Variants in HECTD4 observed in about 807,000 individuals in gnomAD.
HECTD4 encodes the protein HECT domain E3 ubiquitin protein ligase 4, also known as probable E3 ubiquitin-protein ligase HECTD4.
Under a neutral mutation model 471.5 loss-of-function variants are expected in HECTD4, and 114 were observed. That is an observed-to-expected ratio of 0.24 (90% confidence interval 0.21 to 0.28). The LOEUF (loss-of-function observed/expected upper bound fraction) is 0.28, where lower values mean the gene tolerates loss of function less well. HECTD4 is among the 10% of genes least tolerant of loss of function. HECTD4 has a pLI of 1.00. For synonymous variants in HECTD4, 2,012 were observed against 2,256.0 expected (o/e 0.89, Z 3.07); for missense variants, 3,866 against 5,651.5 (o/e 0.68, Z 10.13).
chr12:112,246,141 AAAAATAAAATAAAAT>A (rs148990896), intron 29 of HECTD4, among the ~76,000 whole-genome samples: 3 of 149,010 alleles, frequency 2.0e-5, no homozygotes, highest in South Asian at 2.1e-4. Flanking sequence ...CAAAAAAATA[AAAAATAAAATAAAAT>A]AAAATAAAAT....
In HECTD4 at chr12:112,171,352, G is replaced by A. The variant is rs747602000; in HGVS notation, c.11786-89C>T. On this transcript the variant is annotated intron_variant, in intron 67 of 75. Transcript: ENST00000682272. The stretch of plus-strand genomic sequence containing the variant: ...GCAACACAGGCAACCCTATCACTGC[G>A]AACAGGATTGGTGGATTTTTTACCT... 24 of 1,525,642 alleles carry A rather than the reference G, an allele frequency of 1.6e-5. 1 individual carries two copies. Among genetic ancestry groups the A allele is most frequent in the South Asian group, 8.5e-5 (7 of 82,698 alleles). The allele number at this position is 1,525,642 out of a possible 1,614,324, so 94.5% of individuals were successfully genotyped here.
intron 24 of HECTD4, 114 bp downstream of exon 24, chr12:112,250,857 G>A (rs1593976613): frequency 4.1e-6 from 4 of 970,358 alleles, no homozygotes; most frequent in Non-Finnish European, 4.5e-6. Flanking sequence ...TGACACCCAT[G>A]AGATTGCCAG....
intron 1 of HECTD4, among the ~76,000 whole-genome samples, chr12:112,326,454 C>T (rs185398424): frequency 6.6e-6 from 1 of 152,290 alleles, no homozygotes; most frequent in East Asian, 1.9e-4. Flanking sequence ...GATTGCACCA[C>T]TGCATTCCAA....
chr12:112,212,403 G>A (rs149319235), intron 49 of HECTD4, 84 bp downstream of exon 49: 21 of 1,134,678 alleles, frequency 1.9e-5, no homozygotes, highest in African/African-American at 4.6e-5. Context: ...ATGAGGGCCC[G>A]TTTGCTCCCT....
chr12:112,269,935 C>A, intron 12 of HECTD4, 86 bp from the exon 13 acceptor site: 1 of 1,169,354 alleles, frequency 8.6e-7, no homozygotes, highest in South Asian at 1.4e-5. Flanking sequence ...TGGTAGATAT[C>A]CTATGAACAA....
rs1394480912 is a variant in HECTD4 at position 112,185,457 on chromosome 12, A to G, written c.9509T>C (p.Val3170Ala). ...FLWTTDMAAC[V>A]KELVFHLLAE... Reference sequence around the variant, plus strand: ...CAGGAGATGGAAAACAAGCTCCTTCACGCAGGCTGCCATGTCCGTGGTCCA... The same window carrying G: ...CAGGAGATGGAAAACAAGCTCCTTCGCGCAGGCTGCCATGTCCGTGGTCCA... The change falls in exon 61 of 76, where the codon GTG (valine) becomes GCG (alanine). Residue 3170 changes from valine to alanine, a missense_variant. Around this residue, in one of 16 missense-constraint regions of HECTD4, gnomAD observed 364 missense variants for 413.2 expected, o/e 0.88. Transcript: ENST00000682272. 1 of 1,569,552 alleles carries G rather than the reference A, an allele frequency of 6.4e-7. No individual in the cohort carries two copies. Among genetic ancestry groups the G allele is most frequent in the Admixed American group, 1.9e-5 (1 of 52,654 alleles).
At chr12:112,339,652 A>G (rs952591484) in intron 1 of HECTD4, among the ~76,000 whole-genome samples, 27 of 152,186 alleles carry the variant, frequency 1.8e-4, no homozygotes, top group African/African-American at 6.3e-4. Context: ...ATACACAAAC[A>G]TGCACATACA....
intron 1 of HECTD4, among the ~76,000 whole-genome samples, chr12:112,362,706 A>AT (rs552642665): frequency 1.5e-3 from 213 of 144,672 alleles, no homozygotes; most frequent in Middle Eastern, 3.5e-3. Flanking sequence ...TAATTCTAAA[A>AT]TTTTTTTTTT....
intron 52 of HECTD4, 40 bp from the exon 53 acceptor site, chr12:112,204,663 A>G: frequency 6.5e-7 from 1 of 1,533,466 alleles, no homozygotes; most frequent in South Asian, 1.2e-5. Context: ...CCCAAAGAGT[A>G]CACACAGATC....
At chr12:112,182,462 A>G (rs1180593724) in intron 62 of HECTD4, among the ~76,000 whole-genome samples, 1 of 152,142 alleles carries the variant, frequency 6.6e-6, no homozygotes, top group African/African-American at 2.4e-5. Context: ...AAGGGCTGGA[A>G]AATGGGACTT....
At chr12:112,168,337 T>C (rs534768766) in intron 70 of HECTD4, among the ~76,000 whole-genome samples, 1 of 152,316 alleles carries the variant, frequency 6.6e-6, no homozygotes, top group African/African-American at 2.4e-5. Flanking sequence ...CCTGTTTCAC[T>C]CAGCACTGCC....
chr12:112,378,000 T>C (rs2036816100), intron 1 of HECTD4, among the ~76,000 whole-genome samples: 2 of 152,332 alleles, frequency 1.3e-5, no homozygotes, highest in African/African-American at 4.8e-5. Context: ...ATTCTTTCTT[T>C]AGATTGACTT....
intron 13 of HECTD4, among the ~76,000 whole-genome samples, chr12:112,269,290 T>C (rs1285854010): frequency 1.3e-5 from 2 of 152,142 alleles, no homozygotes; most frequent in Admixed American, 6.5e-5. Flanking sequence ...TTTATGCCCA[T>C]CTTACAGCTA....
chr12:112,356,265 G>A (rs2036336100), intron 1 of HECTD4, among the ~76,000 whole-genome samples: 1 of 152,018 alleles, frequency 6.6e-6, no homozygotes, highest in Admixed American at 6.6e-5. Context: ...AAAAATAAAG[G>A]GGATATTGTA....
chr12:112,188,494 G>A lies in HECTD4; in HGVS notation c.9472+2292C>T, dbSNP rs2031962377. On this transcript the variant is annotated intron_variant, in intron 60 of 75. Coordinates refer to ENST00000682272, the MANE Select transcript of HECTD4 (RefSeq NM_001388303.1). This position sits in a 1 kb window ranked among gnomAD's most constrained non-coding sequence, Gnocchi z 4.2. The stretch of plus-strand genomic sequence containing the variant: ...TAGTCATGTACCCTGGATCTGAGTG[G>A]AAAGAGAGAAAGCTCATGTACGTGA... Among the ~76,000 whole-genome samples the A allele has an allele frequency of 6.6e-6, 1 of 152,170 alleles. No homozygotes were observed. Among genetic ancestry groups the A allele is most frequent in the South Asian group, 2.1e-4 (1 of 4,826 alleles).
intron 12 of HECTD4, 116 bp downstream of exon 12, chr12:112,270,111 A>G (rs2034380734): frequency 2.3e-6 from 2 of 866,136 alleles, no homozygotes; most frequent in Non-Finnish European, 1.8e-6. Flanking sequence ...GAAGGTGGTA[A>G]GATGCAGAAC....
chr12:112,177,153 A>C (rs1367324007), intron 64 of HECTD4, among the ~76,000 whole-genome samples: 1 of 152,214 alleles, frequency 6.6e-6, no homozygotes, highest in African/African-American at 2.4e-5. Context: ...CCAGCACAGA[A>C]AAGTACTATG....
At chr12:112,326,666 G>C (rs969341265) in intron 1 of HECTD4, among the ~76,000 whole-genome samples, 20 of 152,240 alleles carry the variant, frequency 1.3e-4, no homozygotes, top group Admixed American at 1.1e-3. Flanking sequence ...GTGAGGATAG[G>C]CATATAGACG....
intron 1 of HECTD4, among the ~76,000 whole-genome samples, chr12:112,352,382 C>T (rs1054400262): frequency 2.0e-5 from 3 of 149,786 alleles, no homozygotes; most frequent in Non-Finnish European, 3.0e-5. Flanking sequence ...GTTGCCCAGG[C>T]TGGAGTGCTG....
Sources: gnomAD v4.1 joint callset for allele counts (sites outside exome capture counted in the v4.1 genomes callset) on GRCh38, gnomAD v4.1.1 for gene constraint, gnomAD v4.1.1 regional missense constraint, Gnocchi (gnomAD v3.1) non-coding constraint, MANE v1.5 for transcripts, NCBI Gene and HGNC (gene_info 2026-07-23, HGNC 2026-07-21) for gene names.